The following LPP variants were observed in gnomAD, a reference collection of about 807,000 sequenced individuals.
The protein encoded by LPP is lipoma-preferred partner.
LPP carries 38 observed loss-of-function variants against 60.4 expected under a neutral mutation model. The observed-to-expected ratio is 0.63, with a 90% CI of 0.49 to 0.83. The LOEUF (loss-of-function observed/expected upper bound fraction) is 0.83. LPP is among the 40% of genes least tolerant of loss of function. The pLI is 0.00. For synonymous variants in LPP, 328 were observed against 290.8 expected (o/e 1.13, Z -1.30); for missense variants, 902 against 783.6 (o/e 1.15, Z -1.80).
At chr3:188,210,545 C>T (rs1489660996) in intron 1 of LPP, among the ~76,000 whole-genome samples, 1 of 152,156 alleles carries the variant, frequency 6.6e-6, no homozygotes, top group East Asian at 1.9e-4. Context: ...TTTATGGCCA[C>T]TTCTAATTTT....
intron 2 of LPP, among the ~76,000 whole-genome samples, chr3:188,329,403 T>C (rs1759369126): frequency 6.6e-6 from 1 of 152,220 alleles, no homozygotes. Context: ...TTATCTGAAA[T>C]GCTTGGGATC....
At chr3:188,757,190 G>T (rs1391116708) in intron 8 of LPP, among the ~76,000 whole-genome samples, 1 of 151,850 alleles carries the variant, frequency 6.6e-6, no homozygotes, top group African/African-American at 2.4e-5. Flanking sequence ...TGTGACTATT[G>T]CATGTAGGTT....
intron 6 of LPP, among the ~76,000 whole-genome samples, chr3:188,567,706 A>G (rs1832528432): frequency 6.6e-6 from 1 of 151,982 alleles, no homozygotes. Flanking sequence ...GTCTTTGAGT[A>G]AATAGAGCCT....
intron 6 of LPP, among the ~76,000 whole-genome samples, chr3:188,566,315 C>A (rs571492727): frequency 6.6e-6 from 1 of 151,970 alleles, no homozygotes; most frequent in South Asian, 2.1e-4. Flanking sequence ...AGCAAACAAC[C>A]TTTCTGTGCT....
Position 188,298,048 on chromosome 3 carries a change from C to A in LPP, c.-66-43615C>A, listed in dbSNP as rs536404144. 9.8e-5 allele frequency among the ~76,000 whole-genome samples: 15 copies of A among 152,292 alleles called. No homozygotes were observed. The East Asian group carries it at 2.9e-3, about 29-fold the overall frequency. On this transcript the variant is annotated intron_variant, in intron 2 of 11. Coordinates refer to ENST00000617246, the MANE Select transcript of LPP (RefSeq NM_001375462.1). ...CTCATCTACTTTTACCTACTGTTAT[C>A]TTTTTTCCAAGTTAATAAACTGAAT...
intron 6 of LPP, among the ~76,000 whole-genome samples, chr3:188,602,557 G>A (rs1267346407): frequency 6.6e-6 from 1 of 151,812 alleles, no homozygotes; most frequent in Non-Finnish European, 1.5e-5. Context: ...ATGAGACCAA[G>A]CTCTTCTTGG....
chr3:188,577,761 G>GTTCCTTCCTTCCTTCCTTCC (rs1396196937), intron 6 of LPP, among the ~76,000 whole-genome samples: 3 of 113,302 alleles, frequency 2.6e-5, no homozygotes, highest in African/African-American at 9.4e-5. Context: ...TCGTTCCTTC[G>GTTCCTTCCTTCCTTCCTTCC]TTCCTTCCTT....
intron 8 of LPP, among the ~76,000 whole-genome samples, chr3:188,713,728 C>T (rs937505857): frequency 3.3e-5 from 5 of 152,120 alleles, no homozygotes; most frequent in African/African-American, 9.7e-5. Context: ...GATGCTATAA[C>T]TGCAACAACT....
chr3:188,329,912 G>T (rs1042482829), intron 2 of LPP, among the ~76,000 whole-genome samples: 1 of 152,122 alleles, frequency 6.6e-6, no homozygotes, highest in Non-Finnish European at 1.5e-5. Context: ...AAAAGTCACA[G>T]GAAAGAAAAT....
At chr3:188,407,571 A>G (rs184333484) in intron 4 of LPP, among the ~76,000 whole-genome samples, 13 of 152,272 alleles carry the variant, frequency 8.5e-5, no homozygotes, top group Admixed American at 2.0e-4. Context: ...TTGGTGCTGT[A>G]CTAATCTCTG....
At chr3:188,555,187 G>T (rs1024616154) in intron 6 of LPP, among the ~76,000 whole-genome samples, 2 of 152,124 alleles carry the variant, frequency 1.3e-5, no homozygotes, top group African/African-American at 4.8e-5. Context: ...GCATTTTTAA[G>T]AAAGAGTGAA....
chr3:188,473,587 G>A (rs549263013), intron 4 of LPP, among the ~76,000 whole-genome samples: 10 of 152,236 alleles, frequency 6.6e-5, no homozygotes, highest in African/African-American at 2.2e-4. Flanking sequence ...GTGAGCAAGT[G>A]CCCCAGGAGA....
chr3:188,486,664 A>G (rs771431671), intron 5 of LPP, among the ~76,000 whole-genome samples: 22 of 152,236 alleles, frequency 1.4e-4, no homozygotes, highest in Admixed American at 2.6e-4. Context: ...AGTTGTAACC[A>G]GTAAGTACCA....
chr3:188,229,562 G>C (rs1210306814), intron 2 of LPP, among the ~76,000 whole-genome samples: 1 of 152,172 alleles, frequency 6.6e-6, no homozygotes, highest in East Asian at 1.9e-4. Context: ...TTGCTTGTAT[G>C]TTATTTGCTT....
intron 8 of LPP, among the ~76,000 whole-genome samples, chr3:188,718,329 G>A (rs16863553): frequency 0.032 from 4,871 of 152,302 alleles, 125 homozygotes; most frequent in South Asian, 0.089. Flanking sequence ...GGCATGAAGA[G>A]GAATGGCAGG....
At position 188,485,752 on chromosome 3, in the gene LPP, G is replaced by C. The variant is rs377611844; in HGVS notation, c.306+1048G>C. Among the ~76,000 whole-genome samples the C allele has an allele frequency of 1.4e-4, 18 of 127,516 alleles. No homozygotes were observed. The East Asian group carries it at 2.9e-3, about 21-fold the overall frequency. The allele number at this position is 127,516 out of a possible 152,430, so 83.7% of individuals were successfully genotyped here. ...GCAGAGCTTGCAGTGAGCCGAGATC[G>C]CACCACTGCACTCCAGCCTGGGCGA... On this transcript the variant is annotated intron_variant, in intron 5 of 11. Transcript: ENST00000617246.
chr3:188,746,991 T>C (rs938999795), intron 8 of LPP, among the ~76,000 whole-genome samples: 9 of 152,214 alleles, frequency 5.9e-5, no homozygotes, highest in African/African-American at 9.6e-5. Flanking sequence ...GTTTATCCTA[T>C]AAAATTTATC....
intron 7 of LPP, among the ~76,000 whole-genome samples, chr3:188,687,315 G>A (rs1860986158): frequency 6.6e-6 from 1 of 152,142 alleles, no homozygotes; most frequent in South Asian, 2.1e-4. Flanking sequence ...TAATTTGGGA[G>A]TGTCCCCCAC....
At chr3:188,557,849 A>G (rs1829837719) in intron 6 of LPP, among the ~76,000 whole-genome samples, 1 of 152,102 alleles carries the variant, frequency 6.6e-6, no homozygotes. Flanking sequence ...ACATCAGAAG[A>G]CACAAGAGTT....
Sources: gnomAD v4.1 joint callset for allele counts (sites outside exome capture counted in the v4.1 genomes callset) on GRCh38, gnomAD v4.1.1 for gene constraint, MANE v1.5 for transcripts, NCBI Gene and HGNC (gene_info 2026-07-23, HGNC 2026-07-21) for gene names.